C14orf39: variants seen among roughly 807,000 people sequenced by gnomAD.
C14orf39 encodes the protein chromosome 14 open reading frame 39.
Under a neutral mutation model 85.6 loss-of-function variants are expected in C14orf39, and 66 were observed. That is an observed-to-expected ratio of 0.77 (90% CI 0.63 to 0.95). C14orf39 has a LOEUF of 0.95. Among genes scored for constraint, C14orf39 ranks in the 40% least tolerant of loss-of-function variants. C14orf39 has a pLI of 0.00. For synonymous variants in C14orf39, 242 were observed against 214.0 expected (o/e 1.13, Z -1.14); for missense variants, 735 against 663.9 (o/e 1.11, Z -1.18).
In C14orf39 at chr14:60,457,018, T is replaced by C. The variant is rs376214220; in HGVS notation, c.1257A>G (p.Pro419=). 3 of 1,611,132 alleles carry C rather than the reference T, an allele frequency of 1.9e-6. No homozygotes were observed. Among genetic ancestry groups the C allele is most frequent in the African/African-American group, 2.7e-5 (2 of 74,718 alleles). ...AAAATATAGGAATTTCAGACGTTCG[T>C]GGAAAATTCTCAGCTCTCTCTTCTA... ...DEVEERAENF[P]RTSEIPIFLG... Residue 419 remains proline (P), a synonymous_variant, in exon 15 of 18, where the codon CCA becomes CCG. Transcript: ENST00000321731.
intron 1 of C14orf39, among the ~76,000 whole-genome samples, chr14:60,500,578 G>A (rs142461397): frequency 6.6e-6 from 1 of 152,068 alleles, no homozygotes; most frequent in South Asian, 2.1e-4. Flanking sequence ...TTATGCTGTA[G>A]AACACAATGT....
At chr14:60,460,192 G>C (rs1426183831) in intron 13 of C14orf39, among the ~76,000 whole-genome samples, 1 of 151,680 alleles carries the variant, frequency 6.6e-6, no homozygotes, top group Non-Finnish European at 1.5e-5. Flanking sequence ...TCATTCTTGG[G>C]TATGAAGCCT....
At chr14:60,447,611 A>G (rs1256400797) in intron 16 of C14orf39, among the ~76,000 whole-genome samples, 1 of 152,226 alleles carries the variant, frequency 6.6e-6, no homozygotes, top group African/African-American at 2.4e-5. Context: ...GAAAATGGCC[A>G]TACTGCCCAA....
At chr14:60,502,386 A>C (rs1316497787) in intron 1 of C14orf39, among the ~76,000 whole-genome samples, 2 of 152,222 alleles carry the variant, frequency 1.3e-5, no homozygotes, top group Non-Finnish European at 2.9e-5. Context: ...GAGACCACAA[A>C]AAGGATAAAA....
At chr14:60,509,741 G>A in intron 1 of C14orf39, 1 of 1,613,534 alleles carries the variant, frequency 6.2e-7, no homozygotes, top group Non-Finnish European at 8.5e-7. Flanking sequence ...CAAGTACCGA[G>A]TAAGGAAGAA....
At chr14:60,482,805 G>T (rs1055206048) in intron 4 of C14orf39, among the ~76,000 whole-genome samples, 2 of 151,776 alleles carry the variant, frequency 1.3e-5, no homozygotes, top group African/African-American at 4.8e-5. Flanking sequence ...ATTAGGTATT[G>T]TTAAATGTTA....
rs969244668 is a variant in C14orf39, at chr14:60,467,064, A to C, written c.768-20T>G. 8.5e-7 allele frequency: 1 copy of C among 1,178,350 alleles called. No homozygotes were observed. The highest frequency in any genetic ancestry group is 1.1e-6 in the Non-Finnish European group (1 of 889,700). The allele number at this position is 1,178,350 out of a possible 1,614,324, so 73.0% of individuals were successfully genotyped here. On this transcript the variant is annotated intron_variant, in intron 9 of 17. Transcript: ENST00000321731. Reference sequence around the variant, plus strand: ...AAAATTCTAAAGAGAAAGGTGAATTACATTAAATATTAGATAAGTTAAAAT... The same window carrying C: ...AAAATTCTAAAGAGAAAGGTGAATTCCATTAAATATTAGATAAGTTAAAAT...
At chr14:60,509,722 A>G (rs1437735493) in intron 1 of C14orf39, 1 of 1,614,118 alleles carries the variant, frequency 6.2e-7, no homozygotes, top group East Asian at 2.2e-5. Context: ...GACCCCTGGG[A>G]CCTGTGGACA....
At position 60,471,609 on chromosome 14, in the gene C14orf39, C is replaced by T. The variant is rs533813821; in HGVS notation, c.454G>A (p.Val152Met). Residue 152 changes from valine to methionine, a missense_variant, in exon 6 of 18, where the codon GTG becomes ATG. Transcript: ENST00000321731. ...TTTAATTGTTCAGTACATGCCAACA[C>T]TCTGCTTTGAATTTCTTCATGTTCT... ...KREHEEIQSR[V>M]LACTEQLKMN... 5.3e-5 allele frequency: 86 copies of T among 1,610,620 alleles called. No homozygotes were observed. The highest frequency in any genetic ancestry group is 1.2e-4 in the Admixed American group (7 of 59,598).
chr14:60,514,079 T>C (rs2140191878), intron 1 of C14orf39, among the ~76,000 whole-genome samples: 1 of 152,380 alleles, frequency 6.6e-6, no homozygotes, highest in East Asian at 1.9e-4. Flanking sequence ...CCTCTGTGAA[T>C]AACCAATTCT....
rs183620740 is a variant in C14orf39, at chr14:60,497,755, G to A, written c.-9+1541C>T. Among the ~76,000 whole-genome samples, 523 of 152,090 alleles carry A rather than the reference G, an allele frequency of 3.4e-3. 3 individuals are homozygous for A. Among genetic ancestry groups the A allele is most frequent in the African/African-American group, 0.012 (487 of 41,474 alleles). On this transcript the variant is annotated intron_variant, in intron 2 of 5. Transcript: ENST00000556799. The stretch of plus-strand genomic sequence containing the variant: ...AAATTAGTTGGGCATGGTGGCGGGC[G>A]ACTGTAATCCCAGCTACTTGGGAGG...
At chr14:60,458,173 G>T (rs181896445) in intron 14 of C14orf39, among the ~76,000 whole-genome samples, 1 of 151,984 alleles carries the variant, frequency 6.6e-6, no homozygotes, top group African/African-American at 2.4e-5. Context: ...ACAATAGATG[G>T]CTGTAAGCCG....
At chr14:60,495,303 A>C (rs1442667883) in intron 2 of C14orf39, 2 of 219,008 alleles carry the variant, frequency 9.1e-6, no homozygotes, top group Non-Finnish European at 1.9e-5. Flanking sequence ...CATGGATTCC[A>C]CTCCGTTGGA....
At chr14:60,477,465 T>C (rs558503538) in intron 5 of C14orf39, among the ~76,000 whole-genome samples, 1 of 152,340 alleles carries the variant, frequency 6.6e-6, no homozygotes, top group African/African-American at 2.4e-5. Flanking sequence ...ATATAATGTG[T>C]TCAAAGTCTC....
In C14orf39 at chr14:60,515,175, G is replaced by T. The variant is rs541282525; in HGVS notation, c.-144+220C>A. 13 of 152,082 alleles carry T rather than the reference G, an allele frequency of 8.5e-5. No homozygotes were observed. The highest frequency in any genetic ancestry group is 2.6e-4 in the African/African-American group (11 of 41,540). The allele number at this position is 152,082 out of a possible 1,614,324, so 9.4% of individuals were successfully genotyped here. A position where few individuals can be genotyped will look rare whatever the true frequency, so the allele number is the denominator to read the frequency against. ...CCGCCGACGGGAAGGCAGCGGCGGGGAGGCCCCCTGGAGGCCTGCTGGGAA... is the reference window on the plus strand; with the variant it reads ...CCGCCGACGGGAAGGCAGCGGCGGGTAGGCCCCCTGGAGGCCTGCTGGGAA... On this transcript the variant is annotated intron_variant, in intron 1 of 5. Transcript: ENST00000556799. This position sits in a 1 kb window ranked among gnomAD's most constrained non-coding sequence, Gnocchi z 6.2.
At chr14:60,438,379 T>C (rs1408054015) in intron 17 of C14orf39, among the ~76,000 whole-genome samples, 1 of 152,068 alleles carries the variant, frequency 6.6e-6, no homozygotes, top group Non-Finnish European at 1.5e-5. Flanking sequence ...TAAAGAAAAA[T>C]AGGTATAATG....
At chr14:60,514,011 A>G (rs1893328735) in intron 1 of C14orf39, among the ~76,000 whole-genome samples, 1 of 152,242 alleles carries the variant, frequency 6.6e-6, no homozygotes, top group African/African-American at 2.4e-5. Flanking sequence ...TAAGGGGGTG[A>G]CACATTACTT....
intron 1 of C14orf39, among the ~76,000 whole-genome samples, chr14:60,507,269 C>A (rs1403873029): frequency 6.6e-6 from 1 of 152,188 alleles, no homozygotes; most frequent in Non-Finnish European, 1.5e-5. Context: ...GCAGCCCTCC[C>A]GGGTCCGGCT....
chr14:60,509,124 G>T (rs938824155), intron 1 of C14orf39: 4 of 501,530 alleles, frequency 8.0e-6, no homozygotes, highest in Non-Finnish European at 1.4e-5. Context: ...CATGGCGCCC[G>T]CGCCGCCAAT....
Sources: allele counts gnomAD v4.1 joint callset (sites outside exome capture counted in the v4.1 genomes callset), GRCh38; gene constraint gnomAD v4.1.1; non-coding constraint Gnocchi (gnomAD v3.1); transcripts MANE v1.5; gene names NCBI Gene and HGNC (gene_info 2026-07-23, HGNC 2026-07-21).